TUT4: variants seen among roughly 807,000 people sequenced by gnomAD.
TUT4 encodes terminal uridylyl transferase 4, also known as terminal uridylyltransferase 4.
TUT4 carries 36 observed loss-of-function variants against 192.2 expected under a neutral mutation model. That is an observed-to-expected ratio of 0.19 (90% CI 0.14 to 0.25). TUT4 has a LOEUF of 0.25. Among genes scored for constraint, TUT4 ranks in the 10% least tolerant of loss-of-function variants. The pLI, the probability that TUT4 is intolerant of heterozygous loss-of-function variation, is 1.00. For missense variants in TUT4, 1,493 were observed against 1,957.2 expected (o/e 0.76, Z 4.47); for synonymous variants, 618 against 666.0 (o/e 0.93, Z 1.11).
intron 1 of TUT4, among the ~76,000 whole-genome samples, chr1:52,541,357 C>G (rs963564122): frequency 6.6e-6 from 1 of 151,932 alleles, no homozygotes; most frequent in East Asian, 1.9e-4. Flanking sequence ...TGTGGTGAAA[C>G]CCCATCTCTA....
chr1:52,504,746 C>G (rs1159167658), intron 4 of TUT4, among the ~76,000 whole-genome samples: 2 of 152,148 alleles, frequency 1.3e-5, no homozygotes, highest in African/African-American at 4.8e-5. Context: ...TCCCCATTTT[C>G]CCCTCCTCCA....
intron 2 of TUT4, among the ~76,000 whole-genome samples, chr1:52,521,236 C>A (rs954383927): frequency 1.3e-5 from 2 of 151,748 alleles, no homozygotes; most frequent in African/African-American, 4.8e-5. Flanking sequence ...GTAGTGGACA[C>A]CAAAAAACAA....
chr1:52,471,926 A>C (rs1665888489), intron 14 of TUT4, 26 bp downstream of exon 14: 1 of 1,596,530 alleles, frequency 6.3e-7, no homozygotes, highest in Non-Finnish European at 8.5e-7. Flanking sequence ...ATCTAGTCCC[A>C]ATAGTTGTAG....
chr1:52,530,416 G>A (rs1420124193), intron 1 of TUT4, among the ~76,000 whole-genome samples: 1 of 152,124 alleles, frequency 6.6e-6, no homozygotes, highest in Non-Finnish European at 1.5e-5. Flanking sequence ...GGCATGCAAT[G>A]TAAAACAAGC....
chr1:52,445,725 A>G, intron 24 of TUT4, 62 bp downstream of exon 24: 2 of 1,272,048 alleles, frequency 1.6e-6, no homozygotes, highest in Non-Finnish European at 2.2e-6. Flanking sequence ...TGGAAACACA[A>G]TTAAGTTTCT....
chr1:52,518,054 A>C (rs1186334401), intron 2 of TUT4, among the ~76,000 whole-genome samples: 1 of 152,238 alleles, frequency 6.6e-6, no homozygotes, highest in Non-Finnish European at 1.5e-5. Flanking sequence ...GAACGTCCTA[A>C]ATTGTGTTCC....
In TUT4 at chr1:52,444,944, T is replaced by A. The variant is rs185832279; in HGVS notation, c.3822+843A>T. On this transcript the variant is annotated intron_variant, in intron 24 of 29. Transcript: ENST00000257177. Reference sequence around the variant, plus strand: ...GTATGTGTATATATATGTATATACATGTATGTGTATATACATGTATATACA... The same window carrying A: ...GTATGTGTATATATATGTATATACAAGTATGTGTATATACATGTATATACA... Among the ~76,000 whole-genome samples the A allele has an allele frequency of 3.8e-4, 47 of 122,796 alleles. 2 individuals carry two copies. Among genetic ancestry groups the A allele is most frequent in the Middle Eastern group, 7.4e-3 (2 of 270 alleles). 80.6% of individuals were successfully genotyped at this position (122,796 alleles called of 152,430 possible).
Position 52,431,156 on chromosome 1 carries a change from T to C in TUT4, c.4568A>G (p.Asn1523Ser), listed in dbSNP as rs1181838727. ...GATGCTGGGATCATTTAGGCCAATA[T>C]TGCTGGGGGCACTGCCTGGTGCAGA... Reference protein sequence around the residue: ...IHSAPGSAPSNIGLNDPSIIF... With the variant: ...IHSAPGSAPSSIGLNDPSIIF... Residue 1523 changes from asparagine to serine, a missense_variant, in exon 28 of 30, where the codon AAT becomes AGT. Asn to Ser is a conservative substitution (Grantham distance 46). Coordinates refer to ENST00000257177, the MANE Select transcript of TUT4 (RefSeq NM_001009881.3). 4 of 1,614,182 alleles carry C rather than the reference T, an allele frequency of 2.5e-6. No individual in the cohort carries two copies. The highest frequency in any genetic ancestry group is 2.5e-6 in the Non-Finnish European group (3 of 1,180,026).
intron 1 of TUT4, among the ~76,000 whole-genome samples, chr1:52,550,438 T>C (rs1011386669): frequency 6.6e-5 from 10 of 152,108 alleles, no homozygotes; most frequent in Admixed American, 1.3e-4. Context: ...ACACAACTCA[T>C]TGAGTTCTAT....
At chr1:52,429,575 C>CT (rs1361584969) in intron 28 of TUT4, among the ~76,000 whole-genome samples, 2 of 144,328 alleles carry the variant, frequency 1.4e-5, no homozygotes, top group African/African-American at 2.7e-5. Context: ...TATATATATA[C>CT]TTTTTTTTAA....
intron 28 of TUT4, among the ~76,000 whole-genome samples, chr1:52,425,916 A>G (rs1460102241): frequency 6.6e-6 from 1 of 152,170 alleles, no homozygotes; most frequent in Non-Finnish European, 1.5e-5. Context: ...CAAAAGCCTG[A>G]AAGCAGGAAA....
In TUT4 at chr1:52,497,057, G is replaced by A. The variant is rs1312749189; in HGVS notation, c.1126C>T (p.Arg376Cys). 4.3e-6 allele frequency: 7 copies of A among 1,613,470 alleles called. No homozygotes were observed. The highest frequency in any genetic ancestry group is 2.2e-5 in the East Asian group (1 of 44,860). ...HGITDDDLRV[R>C]QEIVEEMSKV... is the part of the protein sequence containing the mutation. ...GACATTTCCTCCACAATTTCCTGAC[G>A]GACTCTGAGGTCATCATCTGTTATT... Residue 376 changes from arginine (R) to cysteine (C), a missense_variant, in exon 5 of 30, where the codon CGT (arginine) becomes TGT (cysteine). Around this residue, in one of 7 missense-constraint regions of TUT4, gnomAD observed 437 missense variants for 577.6 expected, o/e 0.76. Transcript: ENST00000257177.
In TUT4 at chr1:52,475,152, T is replaced by A. The variant is rs1557771478; in HGVS notation, c.2407A>T (p.Ser803Cys). ...HGQDSSSLSTSKSSEIEPKLD... is the reference protein window; with the variant it reads ...HGQDSSSLSTCKSSEIEPKLD... ...TTTGGCTCTATTTCACTGCTTTTGC[T>A]GGTAGAAAGAGATGAAGAGTCCTGT... The change falls in exon 13 of 30, where the codon AGC (serine) becomes TGC (cysteine). Residue 803 changes from serine to cysteine, a missense_variant. By Grantham distance (112) the Ser-to-Cys change is moderately radical. This residue lies in a region of TUT4 where 245 missense variants were observed against 218.4 expected (regional missense o/e 1.12). Coordinates refer to ENST00000257177, the MANE Select transcript of TUT4 (RefSeq NM_001009881.3). 4 of 1,614,202 alleles carry A rather than the reference T, an allele frequency of 2.5e-6. No individual in the cohort carries two copies. Among genetic ancestry groups the A allele is most frequent in the Non-Finnish European group, 3.4e-6 (4 of 1,180,036 alleles).
chr1:52,453,149 C>T (rs1159937756), intron 20 of TUT4, among the ~76,000 whole-genome samples: 2 of 152,106 alleles, frequency 1.3e-5, no homozygotes, highest in African/African-American at 4.8e-5. Flanking sequence ...CTTTGGGAGG[C>T]TGAGGCAGGT....
At chr1:52,512,458 A>G (rs1013923355) in intron 3 of TUT4, among the ~76,000 whole-genome samples, 1 of 152,242 alleles carries the variant, frequency 6.6e-6, no homozygotes. Context: ...TATCCAACCA[A>G]TAAGTGGCAG....
intron 15 of TUT4, among the ~76,000 whole-genome samples, chr1:52,467,958 T>C (rs572083968): frequency 6.6e-6 from 1 of 152,314 alleles, no homozygotes; most frequent in Admixed American, 6.5e-5. Context: ...TTTAACAGCA[T>C]GTATTATTTG....
intron 12 of TUT4, among the ~76,000 whole-genome samples, chr1:52,476,648 GA>G (rs2148904618): frequency 1.3e-5 from 2 of 151,962 alleles, no homozygotes; most frequent in African/African-American, 4.8e-5. Flanking sequence ...GAAAATGAAA[GA>G]GGGGGGGAAA....
At chr1:52,488,479 T>C (rs1388634218) in intron 9 of TUT4, among the ~76,000 whole-genome samples, 2 of 152,072 alleles carry the variant, frequency 1.3e-5, no homozygotes, top group Non-Finnish European at 2.9e-5. Flanking sequence ...CAATCAGAAA[T>C]TGGTACATGT....
At chr1:52,523,718 T>C (rs906725379) in intron 2 of TUT4, among the ~76,000 whole-genome samples, 1 of 152,200 alleles carries the variant, frequency 6.6e-6, no homozygotes, top group Non-Finnish European at 1.5e-5. Flanking sequence ...TTTGATTCTG[T>C]CTCTAAACTG....
Sources: gnomAD v4.1 joint callset for allele counts (sites outside exome capture counted in the v4.1 genomes callset) on GRCh38, gnomAD v4.1.1 for gene constraint, gnomAD v4.1.1 regional missense constraint, MANE v1.5 for transcripts, NCBI Gene and HGNC (gene_info 2026-07-23, HGNC 2026-07-21) for gene names.